CCDC136: variants seen among roughly 807,000 people sequenced by gnomAD.
CCDC136 encodes coiled-coil domain containing 136.
A neutral mutation model predicts 141.2 loss-of-function variants in CCDC136; 100 were observed. The ratio of observed to expected loss-of-function variants is 0.71; its 90% CI spans 0.60 to 0.84. The LOEUF (loss-of-function observed/expected upper bound fraction) is 0.84, where lower values mean the gene tolerates loss of function less well. Ranked by LOEUF, CCDC136 falls within the 40% of genes least tolerant of loss-of-function variation. CCDC136 has a pLI of 0.00. For synonymous variants in CCDC136, 474 were observed against 531.9 expected, an observed-to-expected ratio of 0.89 and a Z score of 1.50; for missense variants, 1,206 against 1,379.4, an observed-to-expected ratio of 0.87 and a Z score of 1.99.
At chr7:128,819,138 A>C (rs1027783885) in intron 17 of CCDC136, among the ~76,000 whole-genome samples, 1 of 152,222 alleles carries the variant, frequency 6.6e-6, no homozygotes, top group African/African-American at 2.4e-5. Flanking sequence ...CAGAAGTCTT[A>C]AGGCACTACG....
upstream of CCDC136, chr7:128,790,767 C>G (rs1156468365): frequency 1.3e-5 from 2 of 152,254 alleles, no homozygotes; most frequent in Non-Finnish European, 2.9e-5. The surrounding 1 kb of genome is among the most constrained non-coding windows in gnomAD (Gnocchi z 5.4). Flanking sequence ...GGGGGTCTTC[C>G]GGCCCTGAGG....
chr7:128,804,214 T>G lies in CCDC136; in HGVS notation c.671-436T>G, dbSNP rs565943426. On this transcript the variant is annotated intron_variant, in intron 4 of 17. Transcript: ENST00000297788. ...TGAAAGGCAGGTACTGGCAGTCACA[T>G]CTGACAGTTCACATCTCTCAGCTTT... Among the ~76,000 whole-genome samples the G allele has an allele frequency of 2.6e-5, 4 of 152,366 alleles. No homozygotes were observed. The East Asian group carries it at 7.7e-4, about 29-fold the overall frequency.
At chr7:128,818,313 T>C (rs1806952757) in intron 17 of CCDC136, 1 of 163,908 alleles carries the variant, frequency 6.1e-6, no homozygotes, top group African/African-American at 2.4e-5. Flanking sequence ...CTACCCAAGA[T>C]GGCAAAATAA....
Position 128,801,490 on chromosome 7 carries a change from A to G in CCDC136, c.651A>G (p.Ser217=), listed in dbSNP as rs1480786498. 4 of 1,604,016 alleles carry G rather than the reference A, an allele frequency of 2.5e-6. No individual in the cohort carries two copies. Among genetic ancestry groups the G allele is most frequent in the African/African-American group, 1.3e-5 (1 of 74,756 alleles). Residue 217 remains serine (S), a synonymous_variant, in exon 4 of 18, where the codon TCA becomes TCG. Coordinates refer to ENST00000297788, the MANE Select transcript of CCDC136 (RefSeq NM_022742.5). ...SSEPSGSLGL[S]DYSGLQEELQ... ...AACCATCCGGTAGTTTAGGTCTCTCAGATTACTCTGGGTTACAAGGTATGA... is the reference window on the plus strand; with the variant it reads ...AACCATCCGGTAGTTTAGGTCTCTCGGATTACTCTGGGTTACAAGGTATGA...
chr7:128,809,671 C>G (rs1411364997), intron 11 of CCDC136, 27 bp downstream of exon 11: 1 of 1,461,904 alleles, frequency 6.8e-7, no homozygotes, highest in Admixed American at 2.4e-5. Flanking sequence ...CAGCTGCTAA[C>G]TGCGGGGAAG....
At chr7:128,807,020 C>T (rs567031039) in intron 9 of CCDC136, among the ~76,000 whole-genome samples, 162 bp downstream of exon 9, 1 of 152,266 alleles carries the variant, frequency 6.6e-6, no homozygotes, top group East Asian at 1.9e-4. Context: ...TCACAAGGCT[C>T]TCAGCTTCCT....
intron 3 of CCDC136, among the ~76,000 whole-genome samples, chr7:128,796,558 G>C (rs1046513015): frequency 1.3e-5 from 2 of 151,666 alleles, no homozygotes; most frequent in African/African-American, 2.4e-5. Context: ...GGGATGATAC[G>C]ATCTGCTTTA....
chr7:128,792,057 G>C lies in CCDC136; in HGVS notation c.-355G>C. ...TTGGCCCTCTCCTCCCTGTCCCCCC[G>C]GACTAAATACGCACACCCCCTCTTT... On this transcript the variant is annotated 5_prime_UTR_variant, in exon 1 of 18. Transcript: ENST00000297788. 7.9e-7 allele frequency: 1 copy of C among 1,268,758 alleles called. No homozygotes were observed. The highest frequency in any genetic ancestry group is 9.9e-7 in the Non-Finnish European group (1 of 1,005,272). The allele number at this position is 1,268,758 out of a possible 1,614,324, so 78.6% of individuals were successfully genotyped here.
intron 3 of CCDC136, among the ~76,000 whole-genome samples, chr7:128,799,092 T>C (rs867634545): frequency 6.7e-5 from 10 of 150,154 alleles, no homozygotes; most frequent in Middle Eastern, 6.9e-3. Flanking sequence ...TCCCAGCACT[T>C]TGGGAAGCCA....
intron 3 of CCDC136, among the ~76,000 whole-genome samples, chr7:128,796,810 C>T (rs1398921605): frequency 3.6e-5 from 5 of 140,650 alleles, no homozygotes; most frequent in East Asian, 2.1e-4. Flanking sequence ...GGCGGGATCT[C>T]GGCTCACTGC....
intron 12 of CCDC136, chr7:128,811,167 G>A: frequency 2.6e-6 from 1 of 391,332 alleles, no homozygotes; most frequent in Non-Finnish European, 5.1e-6. Context: ...AACACTGTGA[G>A]GCTGGATCAT....
chr7:128,815,346 C>T (rs1444726091), intron 15 of CCDC136, among the ~76,000 whole-genome samples: 1 of 152,182 alleles, frequency 6.6e-6, no homozygotes, highest in Non-Finnish European at 1.5e-5. Flanking sequence ...TGGGAAGCAA[C>T]AATTTAGGTG....
upstream of CCDC136, chr7:128,791,882 G>A: frequency 2.2e-6 from 1 of 444,912 alleles, no homozygotes; most frequent in Non-Finnish European, 3.5e-6. The surrounding 1 kb of genome is among the most constrained non-coding windows in gnomAD (Gnocchi z 7.1). Context: ...GGTGGGGTGG[G>A]CAAGGTCCAG....
At position 128,794,793 on chromosome 7, in the gene CCDC136, G is replaced by A. The variant is rs1224928369; in HGVS notation, c.346+25G>A. Reference sequence around the variant, plus strand: ...GGTAATTCCCAGGACTTGGACTGGAGGGAGGTGGCCATCCAAGTGGTCACC... The same window carrying A: ...GGTAATTCCCAGGACTTGGACTGGAAGGAGGTGGCCATCCAAGTGGTCACC... On this transcript the variant is annotated intron_variant, in intron 3 of 17. Coordinates refer to ENST00000297788, the MANE Select transcript of CCDC136 (RefSeq NM_022742.5). The surrounding 1 kb of genome is among the most constrained non-coding windows in gnomAD (Gnocchi z 4.3). The A allele has an allele frequency of 1.3e-6, 2 of 1,541,312 alleles. No individual in the cohort carries two copies. The highest frequency in any genetic ancestry group is 3.9e-5 in the Admixed American group (2 of 50,794).
At position 128,801,181 on chromosome 7, in the gene CCDC136, T is replaced by A. The variant is rs1409368836; in HGVS notation, c.347-5T>A. 6.2e-7 allele frequency: 1 copy of A among 1,607,096 alleles called. No homozygotes were observed. Among genetic ancestry groups the A allele is most frequent in the Non-Finnish European group, 8.5e-7 (1 of 1,174,342 alleles). Reference sequence around the variant, plus strand: ...CTTGATCATCTCAACCTTTGGACTTTGCAGGTGAGCTGCGTTCTCTACGGG... The same window carrying A: ...CTTGATCATCTCAACCTTTGGACTTAGCAGGTGAGCTGCGTTCTCTACGGG... On this transcript the variant is annotated splice_region_variant and splice_polypyrimidine_tract_variant and intron_variant, in intron 3 of 17. Transcript: ENST00000297788.
intron 4 of CCDC136, among the ~76,000 whole-genome samples, chr7:128,804,192 A>T (rs547411024): frequency 6.6e-6 from 1 of 152,384 alleles, no homozygotes; most frequent in South Asian, 2.1e-4. Flanking sequence ...GAATGCCTGA[A>T]AGGCAGGTAC....
chr7:128,820,833 G>A (rs1487885312), intron 17 of CCDC136, among the ~76,000 whole-genome samples: 3 of 152,134 alleles, frequency 2.0e-5, no homozygotes, highest in African/African-American at 7.2e-5. Context: ...ATAAGCTCAG[G>A]AGATTTTCTT....
intron 10 of CCDC136, chr7:128,808,824 A>C (rs905875073): frequency 2.0e-6 from 2 of 985,330 alleles, no homozygotes; most frequent in African/African-American, 3.5e-5. Flanking sequence ...GGAAAGGAGA[A>C]GCATGCTGGC....
intron 3 of CCDC136, among the ~76,000 whole-genome samples, chr7:128,797,980 T>C (rs1332810621): frequency 2.7e-5 from 4 of 146,216 alleles, no homozygotes; most frequent in Admixed American, 6.8e-5. Context: ...TGCAGTGGCG[T>C]GATCTCGGCT....
Sources: gnomAD v4.1 joint callset for allele counts (sites outside exome capture counted in the v4.1 genomes callset) on GRCh38, gnomAD v4.1.1 for gene constraint, Gnocchi (gnomAD v3.1) non-coding constraint, MANE v1.5 for transcripts, NCBI Gene and HGNC (gene_info 2026-07-23, HGNC 2026-07-21) for gene names.